ABLIM2: variants seen among roughly 807,000 people sequenced by gnomAD.
The protein encoded by ABLIM2 is actin binding LIM protein family member 2.
In ABLIM2, 53 loss-of-function variants were observed where a neutral mutation model predicts 97.7. The ratio of observed to expected loss-of-function variants is 0.54; its 90% CI spans 0.44 to 0.68. The LOEUF (loss-of-function observed/expected upper bound fraction) is 0.68, where lower values mean the gene tolerates loss of function less well. ABLIM2 is among the 30% of genes least tolerant of loss of function. The pLI is 0.00. For synonymous variants in ABLIM2, 361 were observed against 345.8 expected (o/e 1.04, Z -0.49); for missense variants, 835 against 867.2 (o/e 0.96, Z 0.47).
At chr4:8,107,708 T>A (rs1018793631) in intron 1 of ABLIM2, among the ~76,000 whole-genome samples, 1 of 152,192 alleles carries the variant, frequency 6.6e-6, no homozygotes, top group Non-Finnish European at 1.5e-5. Context: ...TCCCAAGATG[T>A]CCCCTTTCTA....
chr4:8,008,268 C>T, intron 15 of ABLIM2, 68 bp from the exon 16 acceptor site: 1 of 1,488,208 alleles, frequency 6.7e-7, no homozygotes, highest in Admixed American at 1.8e-5. Context: ...TCTCACTGGA[C>T]CCTTCTTGTA....
At chr4:8,091,782 TTAA>T (rs1197692302) in intron 3 of ABLIM2, among the ~76,000 whole-genome samples, 2 of 81,442 alleles carry the variant, frequency 2.5e-5, no homozygotes, top group South Asian at 6.9e-4. Context: ...CATTTATATA[TTAA>T]TAATTATAGA....
At chr4:8,078,611 G>C (rs529153963) in intron 5 of ABLIM2, among the ~76,000 whole-genome samples, 13 of 152,242 alleles carry the variant, frequency 8.5e-5, no homozygotes, top group African/African-American at 3.1e-4. Context: ...GGCCACACTC[G>C]GTGTGGGGAG....
chr4:7,993,981 C>T (rs375224039), intron 16 of ABLIM2: 236 of 502,410 alleles, frequency 4.7e-4, no homozygotes, highest in African/African-American at 3.8e-3. Context: ...AGGAAGTGAA[C>T]GCCTGCCTGG....
intron 1 of ABLIM2, among the ~76,000 whole-genome samples, chr4:8,157,869 G>A (rs906765020): frequency 5.9e-5 from 9 of 152,274 alleles, no homozygotes; most frequent in Admixed American, 3.9e-4. Flanking sequence ...CTTCCCTGCC[G>A]GGAATGCAAC....
Position 8,147,895 on chromosome 4 carries a change from C to T in ABLIM2, c.10+10785G>A, listed in dbSNP as rs1044032980. On this transcript the variant is annotated intron_variant, in intron 1 of 20. Transcript: ENST00000447017. This position sits in a 1 kb window ranked among gnomAD's most constrained non-coding sequence, Gnocchi z 5.3. Reference sequence around the variant, plus strand: ...CTCTGGTTGTGCCATCTTCCCTGAGCGAGGCACGGACCTGCACAAAACCCT... The same window carrying T: ...CTCTGGTTGTGCCATCTTCCCTGAGTGAGGCACGGACCTGCACAAAACCCT... Among the ~76,000 whole-genome samples the T allele has an allele frequency of 1.3e-5, 2 of 152,220 alleles. No homozygotes were observed. The highest frequency in any genetic ancestry group is 2.9e-5 in the Non-Finnish European group (2 of 68,046).
intron 11 of ABLIM2, among the ~76,000 whole-genome samples, chr4:8,029,271 T>G (rs1458367294): frequency 6.6e-6 from 1 of 152,176 alleles, no homozygotes; most frequent in East Asian, 1.9e-4. Flanking sequence ...GAGACCCACA[T>G]GAGCTTGCAG....
rs200495159 is a variant in ABLIM2 at position 8,032,200 on chromosome 4, GA to G, written c.1048-2425del. 0.12 allele frequency among the ~76,000 whole-genome samples: 16,850 copies of G among 139,306 alleles called. 1,251 individuals carry two copies. The highest frequency in any genetic ancestry group is 0.22 in the African/African-American group (8,413 of 38,744). 91.4% of individuals were successfully genotyped at this position (139,306 alleles called of 152,430 possible). On this transcript the variant is annotated intron_variant, in intron 10 of 20. Coordinates refer to ENST00000447017, the MANE Select transcript of ABLIM2 (RefSeq NM_001130083.2). This position sits in a 1 kb window ranked among gnomAD's most constrained non-coding sequence, Gnocchi z 4.3. ...TGTCACTGATTAATTTTGAGAAACA[GA>G]AAAAAAAAAAAAAAACTAGACCACT...
chr4:7,965,661 A>G lies in ABLIM2; in HGVS notation c.*1329T>C, dbSNP rs1296635492. 1 of 152,184 alleles carries G rather than the reference A, an allele frequency of 6.6e-6. No individual in the cohort carries two copies. Among genetic ancestry groups the G allele is most frequent in the African/African-American group, 2.4e-5 (1 of 41,434 alleles). 9.4% of individuals were successfully genotyped at this position (152,184 alleles called of 1,614,324 possible). ...TCAGCGCGCTTATCAGCATCCTGTG[A>G]CGGCCGGTGCTGCACCCTAACACAC... On this transcript the variant is annotated 3_prime_UTR_variant, in exon 21 of 21. Coordinates refer to ENST00000447017, the MANE Select transcript of ABLIM2 (RefSeq NM_001130083.2).
chr4:8,057,313 C>A (rs184450818), intron 7 of ABLIM2, among the ~76,000 whole-genome samples: 1 of 151,998 alleles, frequency 6.6e-6, no homozygotes, highest in African/African-American at 2.4e-5. Context: ...CTTGAACTTC[C>A]GACTTCGGGT....
At chr4:8,020,609 C>T (rs1772961502) in intron 12 of ABLIM2, 1 of 437,724 alleles carries the variant, frequency 2.3e-6, no homozygotes, top group African/African-American at 2.0e-5. Flanking sequence ...CCATCTGCGC[C>T]TCTGCATCCT....
At chr4:7,984,727 C>G (rs1194947714) in intron 18 of ABLIM2, 112 bp downstream of exon 18, 2 of 1,231,530 alleles carry the variant, frequency 1.6e-6, no homozygotes, top group Non-Finnish European at 2.3e-6. Context: ...CCGCCCGGCA[C>G]TCCCGGAGCC....
chr4:8,030,176 G>T (rs1046077512), intron 10 of ABLIM2, among the ~76,000 whole-genome samples: 1 of 152,176 alleles, frequency 6.6e-6, no homozygotes, highest in South Asian at 2.1e-4. Context: ...GGTTTCTCAC[G>T]TGTGAACTGG....
At chr4:7,989,559 T>TAG in intron 17 of ABLIM2, 1 of 397,066 alleles carries the variant, frequency 2.5e-6, no homozygotes, top group Non-Finnish European at 3.4e-6. Flanking sequence ...ATTTTATTAA[T>TAG]TCCTTTTAAT....
chr4:7,976,916 C>T (rs34471833), intron 20 of ABLIM2, among the ~76,000 whole-genome samples: 98,155 of 151,204 alleles, frequency 0.65, 31,914 homozygotes, highest in African/African-American at 0.67. Flanking sequence ...TACACACACA[C>T]ATACACACAT....
chr4:8,015,704 G>A lies in ABLIM2; in HGVS notation c.1423+3914C>T, dbSNP rs1391952899. On this transcript the variant is annotated intron_variant, in intron 14 of 20. Coordinates refer to ENST00000447017, the MANE Select transcript of ABLIM2 (RefSeq NM_001130083.2). This position sits in a 1 kb window ranked among gnomAD's most constrained non-coding sequence, Gnocchi z 4.6. Reference sequence around the variant, plus strand: ...GGACAAGTGGTGGGAGGTGTGTGTTGGGGGGTGAGGAGAGAGCTGCATTGC... The same window carrying A: ...GGACAAGTGGTGGGAGGTGTGTGTTAGGGGGTGAGGAGAGAGCTGCATTGC... 6.6e-6 allele frequency among the ~76,000 whole-genome samples: 1 copy of A among 152,120 alleles called. No homozygotes were observed. Among genetic ancestry groups the A allele is most frequent in the Non-Finnish European group, 1.5e-5 (1 of 68,028 alleles).
chr4:8,024,094 C>T (rs1034729478), intron 12 of ABLIM2, among the ~76,000 whole-genome samples: 10 of 152,314 alleles, frequency 6.6e-5, no homozygotes, highest in South Asian at 2.1e-4. Context: ...GATGAAGAGG[C>T]GCTGCCGGGG....
chr4:8,042,612 A>T (rs1789439385), intron 9 of ABLIM2, among the ~76,000 whole-genome samples: 1 of 152,172 alleles, frequency 6.6e-6, no homozygotes, highest in Admixed American at 6.5e-5. Context: ...AGGCCAGGCG[A>T]GTGGATCACC....
At position 8,043,059 on chromosome 4, in the gene ABLIM2, G is replaced by C. The variant is rs1184124391; in HGVS notation, c.900+2105C>G. 2.0e-5 allele frequency among the ~76,000 whole-genome samples: 3 copies of C among 152,048 alleles called. No individual in the cohort carries two copies. Among genetic ancestry groups the C allele is most frequent in the Non-Finnish European group, 2.9e-5 (2 of 68,014 alleles). On this transcript the variant is annotated intron_variant, in intron 9 of 20. Transcript: ENST00000447017. This position sits in a 1 kb window ranked among gnomAD's most constrained non-coding sequence, Gnocchi z 4.8. ...CCAGCTACTCGGGATGCTGAGGTGG[G>C]AGGATCGCCTGAGCCCGGGGAGGTT...
Sources: gnomAD v4.1 joint callset for allele counts (sites outside exome capture counted in the v4.1 genomes callset) on GRCh38, gnomAD v4.1.1 for gene constraint, Gnocchi (gnomAD v3.1) non-coding constraint, MANE v1.5 for transcripts, NCBI Gene and HGNC (gene_info 2026-07-23, HGNC 2026-07-21) for gene names.